The following MGLL variants were observed in gnomAD, a reference collection of about 807,000 sequenced individuals.
MGLL encodes the protein lysophospholipase homolog.
In MGLL, 7 loss-of-function variants were observed where a neutral mutation model predicts 29.1. The observed-to-expected ratio is 0.24, with a 90% CI of 0.14 to 0.45. The LOEUF is 0.45. MGLL is among the 20% of genes least tolerant of loss of function. The pLI, the probability that MGLL is intolerant of heterozygous loss-of-function variation, is 0.99. For synonymous variants in MGLL, 148 were observed against 168.3 expected (o/e 0.88, Z 0.93); for missense variants, 356 against 413.6 (o/e 0.86, Z 1.21).
At chr3:127,701,233 A>AAAAAAAAAAG (rs2075476737) in intron 6 of MGLL, among the ~76,000 whole-genome samples, 1 of 148,802 alleles carries the variant, frequency 6.7e-6, no homozygotes, top group Non-Finnish European at 1.5e-5. Flanking sequence ...AAAAAAAAAA[A>AAAAAAAAAAG]GCCACCACCA....
At chr3:127,692,734 G>A (rs1559900815) in intron 7 of MGLL, among the ~76,000 whole-genome samples, 1 of 152,208 alleles carries the variant, frequency 6.6e-6, no homozygotes. Context: ...GCCTGGCGAG[G>A]TCTCCAGGGA....
At chr3:127,710,542 C>A (rs1435657745) in intron 6 of MGLL, 34 bp downstream of exon 6, 3 of 1,503,706 alleles carry the variant, frequency 2.0e-6, no homozygotes, top group Non-Finnish European at 2.7e-6. Context: ...GGCAGCCACC[C>A]AAGCTACCCC....
At chr3:127,692,827 G>A (rs986331991) in intron 7 of MGLL, among the ~76,000 whole-genome samples, 1 of 152,148 alleles carries the variant, frequency 6.6e-6, no homozygotes, top group Non-Finnish European at 1.5e-5. Context: ...TTCCTCTTGT[G>A]GTTCCATGGC....
chr3:127,752,379 A>G (rs782082), intron 3 of MGLL, among the ~76,000 whole-genome samples: 119,423 of 152,064 alleles, frequency 0.79, 47,252 homozygotes, highest in African/African-American at 0.9. Flanking sequence ...GATTACAGGC[A>G]TAAGCCATCA....
intron 3 of MGLL, among the ~76,000 whole-genome samples, chr3:127,762,509 T>C (rs934335011): frequency 1.3e-5 from 2 of 152,166 alleles, no homozygotes; most frequent in African/African-American, 4.8e-5. Flanking sequence ...CCAGAGTGAT[T>C]TTGAAGTTTA....
chr3:127,815,494 G>A (rs936542207), intron 2 of MGLL, among the ~76,000 whole-genome samples: 16 of 152,212 alleles, frequency 1.1e-4, no homozygotes, highest in African/African-American at 7.2e-5. Context: ...GCGGTGCTAC[G>A]TCTTTGCCAT....
intron 2 of MGLL, among the ~76,000 whole-genome samples, chr3:127,815,061 T>TC (rs2077730458): frequency 1.3e-5 from 2 of 152,230 alleles, no homozygotes; most frequent in Admixed American, 6.5e-5. Context: ...TGCTTCACTT[T>TC]TTTTTCCTCC....
intron 5 of MGLL, among the ~76,000 whole-genome samples, chr3:127,719,178 T>G (rs1425678999): frequency 6.6e-6 from 1 of 152,200 alleles, no homozygotes; most frequent in Non-Finnish European, 1.5e-5. Flanking sequence ...AAGTGCCCCC[T>G]CCCCTGGTCG....
chr3:127,772,180 A>G (rs1356236424), intron 3 of MGLL, among the ~76,000 whole-genome samples: 1 of 152,116 alleles, frequency 6.6e-6, no homozygotes, highest in Non-Finnish European at 1.5e-5. Flanking sequence ...TGCTTTTTCA[A>G]CTTAGGGGAT....
At chr3:127,812,455 C>CAA (rs1420702532) in intron 2 of MGLL, among the ~76,000 whole-genome samples, 1 of 151,900 alleles carries the variant, frequency 6.6e-6, no homozygotes, top group Non-Finnish European at 1.5e-5. Context: ...TTTGAAGAAA[C>CAA]AAAAAAGTTA....
intron 5 of MGLL, 126 bp downstream of exon 5, chr3:127,720,927 C>A: frequency 1.2e-6 from 1 of 812,606 alleles, no homozygotes; most frequent in South Asian, 1.5e-5. Flanking sequence ...TTGTCCAACC[C>A]CTCACGCAAT....
intron 3 of MGLL, among the ~76,000 whole-genome samples, chr3:127,738,468 A>C (rs2076282274): frequency 6.6e-6 from 1 of 152,082 alleles, no homozygotes; most frequent in Non-Finnish European, 1.5e-5. Flanking sequence ...GGAAGGGTGG[A>C]GGCTGGTCAG....
chr3:127,699,351 A>AT (rs34220827), intron 6 of MGLL, among the ~76,000 whole-genome samples: 8 of 151,204 alleles, frequency 5.3e-5, no homozygotes, highest in Non-Finnish European at 7.4e-5. Flanking sequence ...CTCTTGACCC[A>AT]TTTTTTTTTT....
At chr3:127,772,109 G>A (rs900182154) in intron 3 of MGLL, among the ~76,000 whole-genome samples, 3 of 152,182 alleles carry the variant, frequency 2.0e-5, no homozygotes, top group African/African-American at 7.2e-5. Context: ...CCCAAACCAA[G>A]CACTCTGCAT....
At chr3:127,804,406 C>G (rs149133427) in intron 2 of MGLL, among the ~76,000 whole-genome samples, 1 of 152,208 alleles carries the variant, frequency 6.6e-6, no homozygotes, top group African/African-American at 2.4e-5. Context: ...GCTCACTTGT[C>G]CCCCATCCCA....
At chr3:127,794,604 G>A (rs1308063339) in intron 2 of MGLL, among the ~76,000 whole-genome samples, 2 of 152,200 alleles carry the variant, frequency 1.3e-5, no homozygotes, top group East Asian at 1.9e-4. Context: ...CTTCTGTGAT[G>A]TAAGGCTATC....
At chr3:127,816,867 C>T (rs545574531) in intron 2 of MGLL, among the ~76,000 whole-genome samples, 21 of 152,374 alleles carry the variant, frequency 1.4e-4, no homozygotes, top group South Asian at 6.2e-4. Flanking sequence ...AAAGCGGCCA[C>T]AGTTCTGAGG....
At chr3:127,697,116 G>A (rs2075383144) in intron 6 of MGLL, among the ~76,000 whole-genome samples, 2 of 152,244 alleles carry the variant, frequency 1.3e-5, no homozygotes. Flanking sequence ...GCTGGGCCGG[G>A]CCATCTGCTC....
intron 3 of MGLL, among the ~76,000 whole-genome samples, chr3:127,772,166 G>A (rs1005158593): frequency 1.3e-5 from 2 of 149,482 alleles, no homozygotes; most frequent in Admixed American, 1.3e-4. Context: ...AGCCTTACCA[G>A]CCCTGCTTTT....
Sources: gnomAD v4.1 joint callset for allele counts (sites outside exome capture counted in the v4.1 genomes callset) on GRCh38, gnomAD v4.1.1 for gene constraint, MANE v1.5 for transcripts, NCBI Gene and HGNC (gene_info 2026-07-23, HGNC 2026-07-21) for gene names.